The following SEMA5A variants were observed in gnomAD, a reference collection of about 807,000 sequenced individuals.
The protein encoded by SEMA5A is semaphorin 5A, also known as semaphorin-5A.
Under a neutral mutation model 135.5 loss-of-function variants are expected in SEMA5A, and 55 were observed. The ratio of observed to expected loss-of-function variants is 0.41; its 90% CI spans 0.33 to 0.51. The LOEUF is 0.51. Among genes scored for constraint, SEMA5A ranks in the 20% least tolerant of loss-of-function variants. SEMA5A has a pLI of 0.37. For missense variants in SEMA5A, 1,290 were observed against 1,419.9 expected, an observed-to-expected ratio of 0.91 and a Z score of 1.47; for synonymous variants, 580 against 546.5, an observed-to-expected ratio of 1.06 and a Z score of -0.85.
At chr5:9,138,449 G>A (rs141078789) in intron 12 of SEMA5A, among the ~76,000 whole-genome samples, 127 of 152,150 alleles carry the variant, frequency 8.3e-4, no homozygotes, top group African/African-American at 2.7e-3. Flanking sequence ...ACGCGGTTTC[G>A]CATTTTGCTT....
chr5:9,532,449 T>C (rs1222131295), intron 1 of SEMA5A, among the ~76,000 whole-genome samples: 5 of 149,754 alleles, frequency 3.3e-5, no homozygotes, highest in Admixed American at 1.3e-4. Context: ...TCTTTTTTTT[T>C]TTTTTTTTTT....
chr5:9,091,796 C>T (rs532762036), intron 16 of SEMA5A, among the ~76,000 whole-genome samples: 20 of 152,276 alleles, frequency 1.3e-4, no homozygotes, highest in African/African-American at 4.8e-4. Context: ...GAGCCTCAGC[C>T]AATTCCAATG....
chr5:9,360,175 C>A (rs1279883930), intron 3 of SEMA5A, among the ~76,000 whole-genome samples: 1 of 152,184 alleles, frequency 6.6e-6, no homozygotes, highest in African/African-American at 2.4e-5. Context: ...CCTACTTCAT[C>A]TGTACTGTTA....
Position 9,225,016 on chromosome 5 carries a change from G to A in SEMA5A, c.433-129C>T, listed in dbSNP as rs1039564746. 8 of 758,994 alleles carry A rather than the reference G, an allele frequency of 1.1e-5. No individual in the cohort carries two copies. In the African/African-American group the frequency reaches 1.2e-4, roughly 12 times the overall value. The allele number at this position is 758,994 out of a possible 1,614,324, so 47.0% of individuals were successfully genotyped here. On this transcript the variant is annotated intron_variant, in intron 7 of 22. Transcript: ENST00000382496. ...CTCTCGGGGGCCCATGGGGCAAGAT[G>A]ACCAACTTTTACATTCCAACTGATG...
chr5:9,108,380 C>T, intron 15 of SEMA5A, 93 bp from the exon 16 acceptor site: 1 of 1,438,672 alleles, frequency 7.0e-7, no homozygotes, highest in Non-Finnish European at 9.7e-7. Context: ...AGATGTTGAA[C>T]ACATGGGCAT....
chr5:9,462,985 TAA>T (rs11422018), intron 1 of SEMA5A, among the ~76,000 whole-genome samples: 9 of 127,182 alleles, frequency 7.1e-5, no homozygotes, highest in African/African-American at 8.9e-5. Flanking sequence ...AAATAAAAGT[TAA>T]AAAAAAAAAA....
chr5:9,050,972 CAG>C (rs139867881), intron 20 of SEMA5A, among the ~76,000 whole-genome samples: 4,610 of 152,282 alleles, frequency 0.03, 238 homozygotes, highest in African/African-American at 0.1. Flanking sequence ...CAGTAGGATG[CAG>C]AGAGAGGCCA....
intron 2 of SEMA5A, among the ~76,000 whole-genome samples, chr5:9,415,275 C>A (rs1394397413): frequency 6.6e-6 from 1 of 152,166 alleles, no homozygotes; most frequent in Non-Finnish European, 1.5e-5. Context: ...AAGCTTTGTA[C>A]CATTCCTGGG....
intron 1 of SEMA5A, chr5:9,517,935 A>T (rs1252694007): frequency 6.6e-6 from 1 of 152,206 alleles, no homozygotes; most frequent in African/African-American, 2.4e-5. Flanking sequence ...AAAAAGGCCA[A>T]CAGAAGCAAC....
chr5:9,527,025 G>A (rs139491754), intron 1 of SEMA5A, among the ~76,000 whole-genome samples: 19 of 152,260 alleles, frequency 1.2e-4, no homozygotes, highest in African/African-American at 4.6e-4. Context: ...CTCCACCTGG[G>A]TATGGTAAGG....
chr5:9,483,608 C>A (rs867878256), intron 1 of SEMA5A, among the ~76,000 whole-genome samples: 17 of 152,272 alleles, frequency 1.1e-4, no homozygotes, highest in African/African-American at 4.1e-4. Flanking sequence ...AACTACTGAC[C>A]ACTTAAAGCT....
chr5:9,214,559 G>A (rs1746511618), intron 8 of SEMA5A, among the ~76,000 whole-genome samples: 1 of 152,228 alleles, frequency 6.6e-6, no homozygotes, highest in African/African-American at 2.4e-5. Context: ...TCTGCAAGAT[G>A]TGGTGGGAAG....
intron 1 of SEMA5A, among the ~76,000 whole-genome samples, chr5:9,539,296 T>G (rs1270967580): frequency 6.6e-6 from 1 of 152,252 alleles, no homozygotes; most frequent in Non-Finnish European, 1.5e-5. Flanking sequence ...AGAGTTCATT[T>G]GTTTTATTGC....
intron 12 of SEMA5A, among the ~76,000 whole-genome samples, chr5:9,145,270 T>C (rs952178196): frequency 1.3e-5 from 2 of 152,146 alleles, no homozygotes; most frequent in Non-Finnish European, 2.9e-5. Flanking sequence ...CTCTCTCTCT[T>C]TATCTCCAAT....
At chr5:9,469,631 C>T (rs1759402049) in intron 1 of SEMA5A, among the ~76,000 whole-genome samples, 1 of 152,272 alleles carries the variant, frequency 6.6e-6, no homozygotes, top group Non-Finnish European at 1.5e-5. Flanking sequence ...TGTTCCATCC[C>T]ACTGGGATAT....
intron 2 of SEMA5A, among the ~76,000 whole-genome samples, chr5:9,403,457 G>A (rs1163497928): frequency 5.3e-5 from 8 of 152,172 alleles, no homozygotes; most frequent in Non-Finnish European, 1.0e-4. Context: ...GCCCCTTGCT[G>A]GCTGGGTGAC....
At chr5:9,274,071 C>T (rs190401815) in intron 5 of SEMA5A, among the ~76,000 whole-genome samples, 6 of 152,196 alleles carry the variant, frequency 3.9e-5, no homozygotes, top group East Asian at 1.9e-4. Context: ...CAAGACCCAT[C>T]GGTGTGCTGT....
chr5:9,243,767 G>T (rs1561064189), intron 5 of SEMA5A, among the ~76,000 whole-genome samples: 1 of 152,144 alleles, frequency 6.6e-6, no homozygotes, highest in Non-Finnish European at 1.5e-5. Context: ...GTATTAAGTG[G>T]CAGCCCCAGG....
intron 9 of SEMA5A, among the ~76,000 whole-genome samples, chr5:9,201,179 C>T (rs1029706018): frequency 6.6e-6 from 1 of 152,276 alleles, no homozygotes; most frequent in African/African-American, 2.4e-5. Flanking sequence ...TGCTCAGAGT[C>T]TCAATGTGAG....
Sources: allele counts gnomAD v4.1 joint callset (sites outside exome capture counted in the v4.1 genomes callset), GRCh38; gene constraint gnomAD v4.1.1; transcripts MANE v1.5; gene names NCBI Gene and HGNC (gene_info 2026-07-23, HGNC 2026-07-21).